Variants in STPG2 observed in about 807,000 individuals in gnomAD.
STPG2 encodes sperm-tail PG-rich repeat-containing protein 2.
STPG2 carries 56 observed loss-of-function variants against 54.2 expected under a neutral mutation model. The observed-to-expected ratio is 1.03, with a 90% confidence interval of 0.83 to 1.29. The LOEUF is 1.29. Ranked by LOEUF, STPG2 falls within the 50% of genes most tolerant of loss-of-function variation. The pLI is 0.00. For synonymous variants in STPG2, 200 were observed against 181.8 expected, an observed-to-expected ratio of 1.10 and a Z score of -0.81; for missense variants, 596 against 544.9, an observed-to-expected ratio of 1.09 and a Z score of -0.93.
intron 9 of STPG2, among the ~76,000 whole-genome samples, chr4:97,811,899 TAAGAATTCAG>T (rs974713291): frequency 1.3e-5 from 2 of 152,134 alleles, no homozygotes; most frequent in Admixed American, 6.6e-5. Context: ...TTCTGATTTT[TAAGAATTCAG>T]AAGTGTTCTG....
At chr4:97,549,695 G>A (rs1376908864) in intron 4 of STPG2, among the ~76,000 whole-genome samples, 3 of 152,158 alleles carry the variant, frequency 2.0e-5, no homozygotes, top group Admixed American at 2.0e-4. Flanking sequence ...GGCAACTACA[G>A]AGAAGAAGGT....
intron 8 of STPG2, among the ~76,000 whole-genome samples, chr4:97,855,501 C>G (rs1252851101): frequency 1.3e-5 from 2 of 151,976 alleles, no homozygotes; most frequent in African/African-American, 4.8e-5. Flanking sequence ...TGTCCTTCGC[C>G]TACTTTTTAA....
intron 4 of STPG2, among the ~76,000 whole-genome samples, chr4:97,520,369 A>G (rs1285069442): frequency 1.3e-5 from 2 of 152,102 alleles, no homozygotes; most frequent in Non-Finnish European, 2.9e-5. Flanking sequence ...ATTGTACACT[A>G]TAAACTAGCC....
At chr4:97,994,390 T>G (rs1020379073) in intron 5 of STPG2, among the ~76,000 whole-genome samples, 6 of 152,208 alleles carry the variant, frequency 3.9e-5, no homozygotes, top group Non-Finnish European at 8.8e-5. Flanking sequence ...GCCTATCATA[T>G]GGCCTACCTT....
intron 8 of STPG2, among the ~76,000 whole-genome samples, chr4:97,908,531 T>A (rs369185089): frequency 6.6e-6 from 1 of 152,038 alleles, no homozygotes; most frequent in East Asian, 1.9e-4. Flanking sequence ...ACCCAAAGGA[T>A]TATAAATCAT....
At chr4:97,452,591 G>A (rs1486087748) in intron 4 of STPG2, among the ~76,000 whole-genome samples, 2 of 152,170 alleles carry the variant, frequency 1.3e-5, no homozygotes, top group Non-Finnish European at 2.9e-5. Flanking sequence ...CAACTACAAA[G>A]AGGAGCAACC....
chr4:97,663,968 A>G (rs1195941515), intron 10 of STPG2, among the ~76,000 whole-genome samples: 1 of 152,178 alleles, frequency 6.6e-6, no homozygotes, highest in African/African-American at 2.4e-5. Context: ...GTTATTATTA[A>G]AATAGTATAC....
At chr4:97,535,464 A>G (rs1164708656) in intron 4 of STPG2, among the ~76,000 whole-genome samples, 2 of 152,090 alleles carry the variant, frequency 1.3e-5, no homozygotes, top group African/African-American at 2.4e-5. Context: ...CTGAACTTTT[A>G]TTTGTCTTCA....
intron 1 of STPG2, among the ~76,000 whole-genome samples, chr4:98,137,855 C>T (rs1215788379): frequency 2.6e-5 from 4 of 151,772 alleles, no homozygotes; most frequent in African/African-American, 4.8e-5. Flanking sequence ...CTCATAAAAT[C>T]TTCATTGAAG....
chr4:97,519,906 C>T (rs1018089511), intron 4 of STPG2, among the ~76,000 whole-genome samples: 3 of 151,942 alleles, frequency 2.0e-5, no homozygotes, highest in Non-Finnish European at 4.4e-5. Context: ...GCTCTTGAGT[C>T]GAAATGTCCA....
intron 4 of STPG2, among the ~76,000 whole-genome samples, chr4:97,445,695 TATGGC>T (rs1382341020): frequency 6.6e-6 from 1 of 152,184 alleles, no homozygotes; most frequent in Non-Finnish European, 1.5e-5. Flanking sequence ...AGCAATAGTC[TATGGC>T]ATGAATAAAC....
At chr4:97,993,203 T>C (rs1214656322) in intron 5 of STPG2, among the ~76,000 whole-genome samples, 1 of 152,198 alleles carries the variant, frequency 6.6e-6, no homozygotes, top group Non-Finnish European at 1.5e-5. Context: ...CTGTTTACTA[T>C]AATGTTGCCT....
chr4:98,129,276 T>C (rs1322405153), intron 2 of STPG2, among the ~76,000 whole-genome samples: 1 of 152,174 alleles, frequency 6.6e-6, no homozygotes, highest in Non-Finnish European at 1.5e-5. Flanking sequence ...TATTATACTA[T>C]CTACTATGCA....
At chr4:97,925,371 G>C (rs1049842130) in intron 8 of STPG2, among the ~76,000 whole-genome samples, 13 of 152,116 alleles carry the variant, frequency 8.5e-5, no homozygotes, top group Non-Finnish European at 1.6e-4. Flanking sequence ...AGCTAATGAA[G>C]TTAGACAATT....
intron 8 of STPG2, among the ~76,000 whole-genome samples, chr4:97,883,130 C>T (rs1483838686): frequency 6.6e-6 from 1 of 151,358 alleles, no homozygotes; most frequent in Non-Finnish European, 1.5e-5. Flanking sequence ...CTAGCATGGG[C>T]AACATAGGGA....
At chr4:97,907,557 C>T (rs1731487687) in intron 8 of STPG2, among the ~76,000 whole-genome samples, 2 of 151,960 alleles carry the variant, frequency 1.3e-5, no homozygotes, top group African/African-American at 4.8e-5. Context: ...CCTACATCGC[C>T]AAGTCAATCC....
chr4:98,051,013 GA>G (rs5860517), intron 5 of STPG2, among the ~76,000 whole-genome samples: 55 of 141,022 alleles, frequency 3.9e-4, no homozygotes, highest in East Asian at 2.3e-3. Flanking sequence ...TCAAAAAAAA[GA>G]AAAAAAAAAA....
chr4:98,045,966 CCTT>C (rs1407560130), intron 5 of STPG2, among the ~76,000 whole-genome samples: 2 of 152,110 alleles, frequency 1.3e-5, no homozygotes, highest in Admixed American at 1.3e-4. Context: ...TCTCTTCTCT[CCTT>C]CTTTAATTCA....
At chr4:98,101,045 G>A (rs1043055652) in intron 5 of STPG2, among the ~76,000 whole-genome samples, 8 of 134,612 alleles carry the variant, frequency 5.9e-5, no homozygotes. Context: ...TTTAAAACTG[G>A]TTATTTCTTC....
Sources: allele counts gnomAD v4.1 joint callset (sites outside exome capture counted in the v4.1 genomes callset), GRCh38; gene constraint gnomAD v4.1.1; transcripts MANE v1.5; gene names NCBI Gene and HGNC (gene_info 2026-07-23, HGNC 2026-07-21).